DGCR2: variants seen among roughly 807,000 people sequenced by gnomAD.
The protein encoded by DGCR2 is integral membrane protein DGCR2/IDD.
A neutral mutation model predicts 51.6 loss-of-function variants in DGCR2; 24 were observed. The observed-to-expected ratio is 0.47, with a 90% CI of 0.34 to 0.65. DGCR2 has a LOEUF of 0.65. Among genes scored for constraint, DGCR2 ranks in the 30% least tolerant of loss-of-function variants. DGCR2 has a pLI of 0.01. For missense variants in DGCR2, 765 were observed against 772.1 expected, an observed-to-expected ratio of 0.99 and a Z score of 0.11; for synonymous variants, 340 against 315.4, an observed-to-expected ratio of 1.08 and a Z score of -0.82.
intron 5 of DGCR2, among the ~76,000 whole-genome samples, 195 bp downstream of exon 5, chr22:19,063,007 A>T (rs1219004851): frequency 2.0e-5 from 3 of 152,122 alleles, no homozygotes; most frequent in Non-Finnish European, 2.9e-5. Context: ...AGAGACAGCC[A>T]CCGCCCAATG....
Position 19,122,406 on chromosome 22 carries a change from G to C in DGCR2, c.-200C>G. ...CCTCAGGCACCGACTCCAGCTGCGCGCAAGATGGCGGCCGTCCTGCTCGGC... is the reference window on the plus strand; with the variant it reads ...CCTCAGGCACCGACTCCAGCTGCGCCCAAGATGGCGGCCGTCCTGCTCGGC... On this transcript the variant is annotated 5_prime_UTR_variant, in exon 1 of 10. Coordinates refer to ENST00000263196, the MANE Select transcript of DGCR2 (RefSeq NM_005137.3). The C allele has an allele frequency of 2.4e-6, 1 of 419,294 alleles. No homozygotes were observed. 26.0% of individuals were successfully genotyped at this position (419,294 alleles called of 1,614,324 possible). A position where few individuals can be genotyped will look rare whatever the true frequency, so the allele number is the denominator to read the frequency against.
chr22:19,039,411 T>C (rs572688730), intron 9 of DGCR2, among the ~76,000 whole-genome samples: 21 of 152,048 alleles, frequency 1.4e-4, no homozygotes, highest in Non-Finnish European at 2.6e-4. Context: ...CGGTGTGAGG[T>C]AGGGGAGACA....
chr22:19,045,076 T>A (rs930445379), intron 7 of DGCR2, among the ~76,000 whole-genome samples: 2 of 152,236 alleles, frequency 1.3e-5, no homozygotes, highest in Non-Finnish European at 2.9e-5. Flanking sequence ...TCCTAGAAGC[T>A]TTATAATTCA....
intron 1 of DGCR2, among the ~76,000 whole-genome samples, chr22:19,106,542 A>T (rs1345785469): frequency 1.3e-5 from 2 of 152,232 alleles, no homozygotes; most frequent in Non-Finnish European, 2.9e-5. Context: ...CCCAGAGGCC[A>T]GCCGGCTCCT....
chr22:19,095,418 T>A (rs1344432366), intron 1 of DGCR2, among the ~76,000 whole-genome samples: 2 of 152,018 alleles, frequency 1.3e-5, no homozygotes, highest in African/African-American at 4.8e-5. Context: ...TCCCAGCACT[T>A]TGGGAGACCG....
intron 1 of DGCR2, among the ~76,000 whole-genome samples, chr22:19,104,708 A>T (rs1420922097): frequency 6.6e-6 from 1 of 152,198 alleles, no homozygotes. Flanking sequence ...AGTGCCCAGA[A>T]CAGAAGGTTC....
chr22:19,074,829 G>C (rs547625847), intron 2 of DGCR2, among the ~76,000 whole-genome samples: 7 of 152,276 alleles, frequency 4.6e-5, no homozygotes, highest in African/African-American at 1.7e-4. Context: ...CATCGGAGCT[G>C]CCGCTGAGGC....
At chr22:19,047,011 A>G (rs562817410) in intron 7 of DGCR2, 2 of 156,122 alleles carry the variant, frequency 1.3e-5, no homozygotes, top group East Asian at 3.7e-4. Context: ...TCTTGTAGCC[A>G]GTCACTAAGC....
At chr22:19,093,072 T>C (rs1222491933) in intron 1 of DGCR2, among the ~76,000 whole-genome samples, 1 of 152,152 alleles carries the variant, frequency 6.6e-6, no homozygotes, top group East Asian at 1.9e-4. Context: ...CATAAAAAAT[T>C]CAGAATAGCC....
chr22:19,056,336 A>C, intron 6 of DGCR2: 1 of 236,964 alleles, frequency 4.2e-6, no homozygotes, highest in Non-Finnish European at 8.3e-6. Flanking sequence ...GAAAAAGAGG[A>C]CCACCGTCAA....
At chr22:19,069,542 G>A (rs1185861635) in intron 2 of DGCR2, among the ~76,000 whole-genome samples, 1 of 152,070 alleles carries the variant, frequency 6.6e-6, no homozygotes, top group Non-Finnish European at 1.5e-5. Flanking sequence ...AAGAATACTG[G>A]GATCACATCA....
At position 19,084,977 on chromosome 22, in the gene DGCR2, T is replaced by A. The variant is rs1466951381; in HGVS notation, c.202+4391A>T. ...GGCCATGATGACAATGGTGGTTTTG[T>A]GGAATAGAAAAGGGGGAAACGTGGG... On this transcript the variant is annotated intron_variant, in intron 2 of 9. Transcript: ENST00000263196. Among the ~76,000 whole-genome samples the A allele has an allele frequency of 4.6e-5, 7 of 151,916 alleles. 1 individual carries two copies. The South Asian group carries it at 1.5e-3, about 32-fold the overall frequency.
chr22:19,090,740 C>T (rs963014403), intron 1 of DGCR2, among the ~76,000 whole-genome samples: 3 of 151,092 alleles, frequency 2.0e-5, no homozygotes, highest in African/African-American at 7.3e-5. Context: ...ATGATGAACC[C>T]GACTAAAATA....
At chr22:19,113,233 G>A (rs1022011041) in intron 1 of DGCR2, among the ~76,000 whole-genome samples, 3 of 152,090 alleles carry the variant, frequency 2.0e-5, no homozygotes, top group Non-Finnish European at 2.9e-5. Flanking sequence ...AGCCAGGTGT[G>A]GTGGCGCATG....
chr22:19,044,886 G>T (rs1310007982), intron 7 of DGCR2, among the ~76,000 whole-genome samples: 1 of 152,102 alleles, frequency 6.6e-6, no homozygotes, highest in Non-Finnish European at 1.5e-5. Flanking sequence ...CCTTTGATCT[G>T]TGTTTTGCAA....
chr22:19,068,329 G>A (rs371928582), intron 2 of DGCR2, 104 bp from the exon 3 acceptor site: 9 of 1,339,370 alleles, frequency 6.7e-6, no homozygotes, highest in South Asian at 5.4e-5. Flanking sequence ...CGGAGGGGGG[G>A]CCTGTAGCAC....
At chr22:19,066,598 G>C (rs555258288) in intron 3 of DGCR2, among the ~76,000 whole-genome samples, 9 of 152,204 alleles carry the variant, frequency 5.9e-5, no homozygotes, top group Non-Finnish European at 1.3e-4. Flanking sequence ...AGGACACTGA[G>C]GCAGGCAGAG....
At chr22:19,106,692 C>T (rs980133601) in intron 1 of DGCR2, among the ~76,000 whole-genome samples, 2 of 152,164 alleles carry the variant, frequency 1.3e-5, no homozygotes, top group Non-Finnish European at 2.9e-5. Flanking sequence ...CTAGTCCAGC[C>T]AGCTAGCTTC....
chr22:19,077,012 C>T (rs924409492), intron 2 of DGCR2, among the ~76,000 whole-genome samples: 58 of 151,856 alleles, frequency 3.8e-4, no homozygotes, highest in African/African-American at 1.4e-3. Context: ...GCGTGAGCCG[C>T]CGCACCCAGT....
Sources: allele counts gnomAD v4.1 joint callset (sites outside exome capture counted in the v4.1 genomes callset), GRCh38; gene constraint gnomAD v4.1.1; transcripts MANE v1.5; gene names NCBI Gene and HGNC (gene_info 2026-07-23, HGNC 2026-07-21).